The following B4GALT6 variants were observed in gnomAD, a reference collection of about 807,000 sequenced individuals.
B4GALT6 encodes UDP-Gal:beta-GlcNAc beta-1,4-galactosyltransferase 6.
Under a neutral mutation model 46.3 loss-of-function variants are expected in B4GALT6, and 14 were observed. The observed-to-expected ratio is 0.30, with a 90% CI of 0.20 to 0.47. The LOEUF (loss-of-function observed/expected upper bound fraction) is 0.47. B4GALT6 is among the 20% of genes least tolerant of loss of function. B4GALT6 has a pLI of 0.99. For synonymous variants in B4GALT6, 168 were observed against 162.0 expected (o/e 1.04, Z -0.28); for missense variants, 386 against 480.1 (o/e 0.80, Z 1.83).
chr18:31,684,577 A>G lies in B4GALT6; in HGVS notation c.-151T>C. ...CTCTGGGGAGAGGGCCCGAGCGGAA[A>G]AGAGGAAATGGGAGGGAGCGGACGG... On this transcript the variant is annotated 5_prime_UTR_variant, in exon 1 of 9. Transcript: ENST00000306851. The G allele has an allele frequency of 7.3e-7, 1 of 1,370,476 alleles. No individual in the cohort carries two copies. The allele number at this position is 1,370,476 out of a possible 1,614,324, so 84.9% of individuals were successfully genotyped here. A position where few individuals can be genotyped will look rare whatever the true frequency, so the allele number is the denominator to read the frequency against.
chr18:31,642,678 C>G (rs2073944137), intron 4 of B4GALT6, among the ~76,000 whole-genome samples: 2 of 152,322 alleles, frequency 1.3e-5, no homozygotes, highest in African/African-American at 4.8e-5. Context: ...TCAAGAATAC[C>G]TAGGAATTGC....
the B4GALT6 span, among the ~76,000 whole-genome samples, chr18:31,717,648 C>A: frequency 6.6e-6 from 1 of 151,996 alleles, no homozygotes; most frequent in African/African-American, 2.4e-5. Flanking sequence ...TGGAGAATAC[C>A]ATTTTTGTAA....
At chr18:31,677,401 C>A (rs1413163831) in intron 1 of B4GALT6, among the ~76,000 whole-genome samples, 1 of 152,120 alleles carries the variant, frequency 6.6e-6, no homozygotes, top group East Asian at 1.9e-4. Flanking sequence ...TGAAACATAG[C>A]AAATCAAACT....
chr18:31,649,738 T>C (rs1355636600), intron 3 of B4GALT6, among the ~76,000 whole-genome samples: 1 of 152,126 alleles, frequency 6.6e-6, no homozygotes, highest in African/African-American at 2.4e-5. Flanking sequence ...AAAGCCATTA[T>C]TGAAAAGTGA....
chr18:31,700,746 G>A, the B4GALT6 span, among the ~76,000 whole-genome samples: 12 of 152,012 alleles, frequency 7.9e-5, no homozygotes, highest in African/African-American at 2.4e-4. Flanking sequence ...GTGAGCCACC[G>A]CGCCCGGCCA....
intron 3 of B4GALT6, among the ~76,000 whole-genome samples, chr18:31,653,293 A>G (rs2074097465): frequency 6.6e-6 from 1 of 152,056 alleles, no homozygotes; most frequent in Non-Finnish European, 1.5e-5. Flanking sequence ...GTCCGGGAAT[A>G]CACAGAGCCT....
At chr18:31,691,139 A>C in the B4GALT6 span, among the ~76,000 whole-genome samples, 1 of 152,062 alleles carries the variant, frequency 6.6e-6, no homozygotes, top group African/African-American at 2.4e-5. Flanking sequence ...TGTATCCCAG[A>C]ACTTAAAGTA....
the B4GALT6 span, among the ~76,000 whole-genome samples, chr18:31,722,159 C>CA: frequency 5.6e-4 from 84 of 151,236 alleles, no homozygotes; most frequent in East Asian, 6.2e-3. Flanking sequence ...CAACCATAAA[C>CA]AAAAAAAAGC....
At chr18:31,694,224 C>T in the B4GALT6 span, among the ~76,000 whole-genome samples, 2 of 152,150 alleles carry the variant, frequency 1.3e-5, no homozygotes, top group South Asian at 4.2e-4. Flanking sequence ...AATAATATGC[C>T]TGAGAAAGAA....
rs1014510625 is a variant in B4GALT6 at position 31,624,450 on chromosome 18, C to T, written c.*1164G>A. 30 of 151,872 alleles carry T rather than the reference C, an allele frequency of 2.0e-4. No individual in the cohort carries two copies. The highest frequency in any genetic ancestry group is 7.0e-4 in the African/African-American group (29 of 41,392). 9.4% of individuals were successfully genotyped at this position (151,872 alleles called of 1,614,324 possible). A position where few individuals can be genotyped will look rare whatever the true frequency, so the allele number is the denominator to read the frequency against. ...CAAAATATAGTTTGAATGAAACTAA[C>T]ATTCAAGGGTCCCCTCCAAAAGTGA... On this transcript the variant is annotated 3_prime_UTR_variant, in exon 9 of 9. Coordinates refer to ENST00000306851, the MANE Select transcript of B4GALT6 (RefSeq NM_004775.5).
At chr18:31,685,422 G>GGAACGTCTCGAGACCCCTGCGC (rs952597027), upstream of B4GALT6, among the ~76,000 whole-genome samples, 12 of 151,564 alleles carry the variant, frequency 7.9e-5, no homozygotes, top group East Asian at 1.6e-3. Context: ...GGGACCGGCG[G>GGAACGTCTCGAGACCCCTGCGC]GAACGTCTCG....
the B4GALT6 span, among the ~76,000 whole-genome samples, chr18:31,703,404 C>T: frequency 5.1e-4 from 77 of 152,232 alleles, 1 homozygote; most frequent in African/African-American, 1.8e-3. Flanking sequence ...TCAGAAAAGC[C>T]AACCACATCT....
At chr18:31,693,348 G>T in the B4GALT6 span, among the ~76,000 whole-genome samples, 1 of 152,166 alleles carries the variant, frequency 6.6e-6, no homozygotes, top group Non-Finnish European at 1.5e-5. Context: ...GGCACTCAGT[G>T]CATGGAGAAA....
intron 2 of B4GALT6, among the ~76,000 whole-genome samples, chr18:31,661,003 C>G (rs573443541): frequency 6.6e-6 from 1 of 152,310 alleles, no homozygotes; most frequent in Non-Finnish European, 1.5e-5. Flanking sequence ...GAAACCCCCC[C>G]TTAGCGTGGT....
intron 1 of B4GALT6, among the ~76,000 whole-genome samples, chr18:31,680,408 C>T (rs552457443): frequency 1.1e-4 from 16 of 152,242 alleles, no homozygotes; most frequent in African/African-American, 3.9e-4. Flanking sequence ...CACATAGACC[C>T]CACACTTTGA....
chr18:31,716,294 A>T, the B4GALT6 span, among the ~76,000 whole-genome samples: 2 of 152,250 alleles, frequency 1.3e-5, no homozygotes, highest in African/African-American at 4.8e-5. Context: ...ATCTCCAGGG[A>T]TCAAGGAGTC....
At chr18:31,639,753 T>C (rs1011171697) in intron 4 of B4GALT6, among the ~76,000 whole-genome samples, 2 of 152,148 alleles carry the variant, frequency 1.3e-5, no homozygotes, top group African/African-American at 4.8e-5. Context: ...CGTTAATCTT[T>C]CTTCTAATAT....
At position 31,647,155 on chromosome 18, in the gene B4GALT6, T is replaced by C. The variant is rs376986542; in HGVS notation, c.347-1676A>G. Among the ~76,000 whole-genome samples the C allele has an allele frequency of 1.4e-4, 21 of 152,380 alleles. No individual in the cohort carries two copies. The East Asian group carries it at 2.3e-3, about 17-fold the overall frequency. Reference sequence around the variant, plus strand: ...AATAAATCTGATACATTTAATAGTATGCATGATTGCTAAAATGATAGTAAT... The same window carrying C: ...AATAAATCTGATACATTTAATAGTACGCATGATTGCTAAAATGATAGTAAT... On this transcript the variant is annotated intron_variant, in intron 3 of 8. Transcript: ENST00000306851.
At chr18:31,653,920 ATT>A (rs113848337) in intron 3 of B4GALT6, among the ~76,000 whole-genome samples, 1 of 144,956 alleles carries the variant, frequency 6.9e-6, no homozygotes, top group African/African-American at 2.5e-5. Flanking sequence ...CTCCCATCTC[ATT>A]TTTTTTTTTT....
Sources: gnomAD v4.1 joint callset for allele counts (sites outside exome capture counted in the v4.1 genomes callset) on GRCh38, gnomAD v4.1.1 for gene constraint, MANE v1.5 for transcripts, NCBI Gene and HGNC (gene_info 2026-07-23, HGNC 2026-07-21) for gene names.